Variants in RPS6KA2 observed in about 807,000 individuals in gnomAD.
RPS6KA2 encodes the protein ribosomal protein S6 kinase A2.
Under a neutral mutation model 91.8 loss-of-function variants are expected in RPS6KA2, and 42 were observed. The observed-to-expected ratio is 0.46, with a 90% CI of 0.36 to 0.59. The LOEUF (loss-of-function observed/expected upper bound fraction) is 0.59, where lower values mean the gene tolerates loss of function less well. Among genes scored for constraint, RPS6KA2 ranks in the 20% least tolerant of loss-of-function variants. The pLI is 0.00. For synonymous variants in RPS6KA2, 414 were observed against 393.6 expected, an observed-to-expected ratio of 1.05 and a Z score of -0.61; for missense variants, 798 against 978.5, an observed-to-expected ratio of 0.82 and a Z score of 2.46.
chr6:166,703,889 T>C (rs1341321203), intron 2 of RPS6KA2, among the ~76,000 whole-genome samples: 1 of 152,238 alleles, frequency 6.6e-6, no homozygotes, highest in African/African-American at 2.4e-5. Context: ...TATAGAAATA[T>C]GAAATGGGAC....
At chr6:166,727,399 G>A (rs1011411070) in intron 2 of RPS6KA2, among the ~76,000 whole-genome samples, 29 of 151,926 alleles carry the variant, frequency 1.9e-4, no homozygotes, top group African/African-American at 6.5e-4. Context: ...CTGAGGTTTG[G>A]AAGATGGGTC....
intron 19 of RPS6KA2, among the ~76,000 whole-genome samples, chr6:166,416,023 TCACCATCATCTTCACCACCTC>T (rs1191736613): frequency 8.0e-5 from 9 of 111,848 alleles, no homozygotes; most frequent in African/African-American, 3.0e-4. Flanking sequence ...ACCATTACGC[TCACCATCATCTTCACCACCTC>T]CACCATCATC....
chr6:166,798,792 A>T (rs1430054288), intron 2 of RPS6KA2, among the ~76,000 whole-genome samples: 7 of 152,142 alleles, frequency 4.6e-5, no homozygotes, highest in Admixed American at 1.3e-4. Context: ...AGACAGGTGC[A>T]TCTTGGACCT....
intron 17 of RPS6KA2, among the ~76,000 whole-genome samples, chr6:166,421,247 A>AAAG (rs1278029853): frequency 1.3e-5 from 2 of 152,204 alleles, no homozygotes; most frequent in African/African-American, 4.8e-5. Flanking sequence ...AAAGTTGGTA[A>AAAG]AAGTGCTTTG....
intron 2 of RPS6KA2, among the ~76,000 whole-genome samples, chr6:166,647,160 CTAT>C (rs1787632578): frequency 7.0e-6 from 1 of 142,516 alleles, no homozygotes; most frequent in Admixed American, 6.7e-5. Flanking sequence ...CAGTGTTCTC[CTAT>C]TTTTTTTTTA....
Position 166,634,860 on chromosome 6 carries a change from C to A in RPS6KA2, c.124-96076G>T, listed in dbSNP as rs181582640. 3.8e-3 allele frequency among the ~76,000 whole-genome samples: 580 copies of A among 152,194 alleles called. 3 individuals are homozygous for A. Among genetic ancestry groups the A allele is most frequent in the Non-Finnish European group, 3.7e-3 (252 of 68,002 alleles). On this transcript the variant is annotated intron_variant, in intron 2 of 21. Transcript: ENST00000503859. ...CAAGTGGTCCGCCCACCTCAGCCTC[C>A]CAAAGTGCTGGGGTTACAGGTGTGA...
At chr6:166,440,574 T>C (rs1779487913) in intron 14 of RPS6KA2, among the ~76,000 whole-genome samples, 1 of 152,256 alleles carries the variant, frequency 6.6e-6, no homozygotes, top group African/African-American at 2.4e-5. Context: ...GAATTGTCTA[T>C]TTTGGAAAAA....
chr6:166,498,717 G>A lies in RPS6KA2; in HGVS notation c.605-67C>T, dbSNP rs73035340. 13,754 of 1,580,160 alleles carry A rather than the reference G, an allele frequency of 8.7e-3. 58 individuals are homozygous for A. Among genetic ancestry groups the A allele is most frequent in the Non-Finnish European group, 9.9e-3 (11,475 of 1,163,046 alleles). ...TGTGTTCGGGGGTCCACACTCAGGC[G>A]GGCATCAGCGTCCTTCTGTGGGCTC... On this transcript the variant is annotated intron_variant, in intron 7 of 20. Coordinates refer to ENST00000265678, the MANE Select transcript of RPS6KA2 (RefSeq NM_021135.6).
chr6:166,824,973 C>T (rs1780016664), intron 2 of RPS6KA2, among the ~76,000 whole-genome samples: 1 of 152,240 alleles, frequency 6.6e-6, no homozygotes, highest in African/African-American at 2.4e-5. Flanking sequence ...GTGCTTCACC[C>T]TGTCCGGGGT....
At chr6:166,677,156 A>G (rs185551116) in intron 2 of RPS6KA2, among the ~76,000 whole-genome samples, 8 of 152,330 alleles carry the variant, frequency 5.3e-5, no homozygotes, top group African/African-American at 1.7e-4. Context: ...AGAAAGCTTG[A>G]GGTAGTACTA....
At chr6:166,675,159 G>A (rs1216645506) in intron 2 of RPS6KA2, among the ~76,000 whole-genome samples, 1 of 152,192 alleles carries the variant, frequency 6.6e-6, no homozygotes, top group African/African-American at 2.4e-5. Context: ...CCAGCAAGCG[G>A]AGGGCACTCA....
chr6:166,499,695 G>A (rs1781950461), intron 7 of RPS6KA2, among the ~76,000 whole-genome samples: 1 of 152,224 alleles, frequency 6.6e-6, no homozygotes, highest in South Asian at 2.1e-4. Context: ...AACAGGGTGA[G>A]TCCATTAAAC....
At position 166,723,502 on chromosome 6, in the gene RPS6KA2, A is replaced by AGGGGACCCCCAGTG. The variant is rs1562402069; in HGVS notation, c.123+134697_123+134698insCACTGGGGGTCCCC. Among the ~76,000 whole-genome samples, 421 of 152,322 alleles carry AGGGGACCCCCAGTG rather than the reference A, an allele frequency of 2.8e-3. 3 individuals carry two copies. The highest frequency in any genetic ancestry group is 9.7e-3 in the African/African-American group (404 of 41,572). On this transcript the variant is annotated intron_variant, in intron 2 of 21. Coordinates refer to the RPS6KA2 transcript ENST00000503859. ...CAGCTGGTGCCAGGGGACCCCCAGT[A>AGGGGACCCCCAGTG]GTACCAGGAAGGCCGTGCCAGTACA... is the stretch of plus-strand genomic sequence containing the variant.
chr6:166,738,436 C>A (rs558432042), intron 2 of RPS6KA2, among the ~76,000 whole-genome samples: 31 of 152,280 alleles, frequency 2.0e-4, no homozygotes, highest in African/African-American at 6.7e-4. Context: ...GACCCTACAG[C>A]AGGAAGGCCA....
intron 2 of RPS6KA2, among the ~76,000 whole-genome samples, chr6:166,802,039 T>G (rs1476933154): frequency 6.6e-6 from 1 of 151,678 alleles, no homozygotes; most frequent in African/African-American, 2.4e-5. Context: ...AGGCGGATCA[T>G]GAGGTCAGGA....
chr6:166,694,055 T>C (rs1789290215), intron 2 of RPS6KA2, among the ~76,000 whole-genome samples: 1 of 152,270 alleles, frequency 6.6e-6, no homozygotes, highest in African/African-American at 2.4e-5. Flanking sequence ...CAGGAATTTA[T>C]GAGTCATTTT....
chr6:166,773,584 C>T (rs778979274), intron 2 of RPS6KA2, among the ~76,000 whole-genome samples: 2 of 151,958 alleles, frequency 1.3e-5, no homozygotes, highest in Admixed American at 6.5e-5. Flanking sequence ...GTGTTTTTAG[C>T]GGAGACAGGG....
At chr6:166,549,630 C>T (rs1420959802) in intron 1 of RPS6KA2, among the ~76,000 whole-genome samples, 1 of 151,566 alleles carries the variant, frequency 6.6e-6, no homozygotes, top group African/African-American at 2.4e-5. Flanking sequence ...TAGTGGTTGC[C>T]AGAGGTGAGG....
chr6:166,701,524 C>T (rs1562390975), intron 2 of RPS6KA2: 1 of 1,438,482 alleles, frequency 7.0e-7, no homozygotes, highest in East Asian at 2.3e-5. Flanking sequence ...ACTTGAAGCT[C>T]CAGCAAAGCG....
Sources: gnomAD v4.1 joint callset for allele counts (sites outside exome capture counted in the v4.1 genomes callset) on GRCh38, gnomAD v4.1.1 for gene constraint, MANE v1.5 for transcripts, NCBI Gene and HGNC (gene_info 2026-07-23, HGNC 2026-07-21) for gene names.